LRRTM4: variants seen among roughly 807,000 people sequenced by gnomAD.
LRRTM4 encodes leucine-rich repeat transmembrane neuronal protein 4.
A neutral mutation model predicts 47.6 loss-of-function variants in LRRTM4; 25 were observed. The observed-to-expected ratio is 0.53, with a 90% CI of 0.38 to 0.73. The LOEUF is 0.73. Ranked by LOEUF, LRRTM4 falls within the 30% of genes least tolerant of loss-of-function variation. The pLI, the probability that LRRTM4 is intolerant of heterozygous loss-of-function variation, is 0.00. For synonymous variants in LRRTM4, 311 were observed against 269.5 expected (o/e 1.15, Z -1.51); for missense variants, 638 against 713.4 (o/e 0.89, Z 1.20).
intron 3 of LRRTM4, among the ~76,000 whole-genome samples, chr2:77,507,926 C>CTGACTAG (rs1294654840): frequency 6.6e-6 from 1 of 152,060 alleles, no homozygotes; most frequent in Non-Finnish European, 1.5e-5. Flanking sequence ...ATCTATGATG[C>CTGACTAG]TGACTAGTGG....
At chr2:77,339,195 C>T (rs1010648903) in intron 3 of LRRTM4, among the ~76,000 whole-genome samples, 2 of 151,966 alleles carry the variant, frequency 1.3e-5, no homozygotes, top group Non-Finnish European at 2.9e-5. Context: ...CAAATCTCAG[C>T]ATCATGCAAT....
At chr2:76,909,785 A>G (rs1305945288) in intron 3 of LRRTM4, among the ~76,000 whole-genome samples, 1 of 152,168 alleles carries the variant, frequency 6.6e-6, no homozygotes, top group South Asian at 2.1e-4. Context: ...GCAAATCAAA[A>G]CCACAGTGAG....
At position 77,162,950 on chromosome 2, in the gene LRRTM4, C is replaced by T. The variant is rs181740153; in HGVS notation, c.1551+355368G>A. On this transcript the variant is annotated intron_variant, in intron 3 of 3. Transcript: ENST00000409884. ...AAGGAATGCAGCTCCTCACCAGCAA[C>T]AGAACAAAGCTGGAAGGAGAATGAC... is the stretch of plus-strand genomic sequence containing the variant. Among the ~76,000 whole-genome samples, 575 of 152,126 alleles carry T rather than the reference C, an allele frequency of 3.8e-3. 2 individuals are homozygous for T. The highest frequency in any genetic ancestry group is 6.1e-3 in the Non-Finnish European group (415 of 68,014).
At chr2:77,350,824 AC>A (rs1671740213) in intron 3 of LRRTM4, among the ~76,000 whole-genome samples, 1 of 152,210 alleles carries the variant, frequency 6.6e-6, no homozygotes, top group South Asian at 2.1e-4. Flanking sequence ...ACTCACCAGT[AC>A]TCAGAAATAT....
chr2:76,966,335 GGAGA>G (rs1288425593), intron 3 of LRRTM4, among the ~76,000 whole-genome samples: 1 of 151,264 alleles, frequency 6.6e-6, no homozygotes, highest in East Asian at 1.9e-4. Context: ...GGAGGAAGTG[GGAGA>G]GAAAGAAAAG....
At position 76,747,787 on chromosome 2, in the gene LRRTM4, T is replaced by TA. The variant is rs1373740737; in HGVS notation, c.*907dup. On this transcript the variant is annotated 3_prime_UTR_variant, in exon 4 of 4. Coordinates refer to ENST00000409884, the MANE Select transcript of LRRTM4 (RefSeq NM_001134745.3). ...CACAAAAGCTAATTGATAATTAATTTAAAAAGCAATGTTACACATTATCTT... is the reference window on the plus strand; with the variant it reads ...CACAAAAGCTAATTGATAATTAATTTAAAAAAGCAATGTTACACATTATCTT... The TA allele has an allele frequency of 1.3e-5, 2 of 152,244 alleles. No homozygotes were observed. Among genetic ancestry groups the TA allele is most frequent in the Admixed American group, 6.5e-5 (1 of 15,288 alleles). 9.4% of individuals were successfully genotyped at this position (152,244 alleles called of 1,614,324 possible).
rs34587249 is a variant in LRRTM4 at position 77,049,122 on chromosome 2, T to TCA, written c.1552-300207_1552-300206insTG. Among the ~76,000 whole-genome samples, 45 of 62,684 alleles carry TCA rather than the reference T, an allele frequency of 7.2e-4. 1 individual carries two copies. Among genetic ancestry groups the TCA allele is most frequent in the South Asian group, 1.8e-3 (3 of 1,694 alleles). 41.1% of individuals were successfully genotyped at this position (62,684 alleles called of 152,430 possible). On this transcript the variant is annotated intron_variant, in intron 3 of 3. Coordinates refer to ENST00000409884, the MANE Select transcript of LRRTM4 (RefSeq NM_001134745.3). ...TTTTGACTAAATAATATTTCATTTT[T>TCA]TATATATATATATATATATATATAT...
intron 3 of LRRTM4, among the ~76,000 whole-genome samples, chr2:77,047,537 A>G (rs145402617): frequency 2.6e-4 from 39 of 152,074 alleles, no homozygotes; most frequent in African/African-American, 7.9e-4. Context: ...GGCATTCATC[A>G]GGTTATATAA....
At chr2:77,378,313 C>T (rs1672915228) in intron 3 of LRRTM4, among the ~76,000 whole-genome samples, 1 of 151,948 alleles carries the variant, frequency 6.6e-6, no homozygotes, top group African/African-American at 2.4e-5. Context: ...GGGAGTATCT[C>T]CCCTTGTCAT....
At chr2:76,763,624 G>C (rs558581312) in intron 3 of LRRTM4, among the ~76,000 whole-genome samples, 1 of 152,182 alleles carries the variant, frequency 6.6e-6, no homozygotes, top group African/African-American at 2.4e-5. Context: ...TAGAGATTTT[G>C]GTCCTGTGAA....
intron 3 of LRRTM4, among the ~76,000 whole-genome samples, chr2:77,403,312 C>T (rs778214289): frequency 1.3e-5 from 2 of 151,892 alleles, no homozygotes; most frequent in Non-Finnish European, 2.9e-5. Context: ...GGGCTCCAAT[C>T]CTACTGAACA....
chr2:77,137,128 C>A (rs574996412), intron 3 of LRRTM4, among the ~76,000 whole-genome samples: 5 of 151,674 alleles, frequency 3.3e-5, no homozygotes, highest in Non-Finnish European at 7.4e-5. Context: ...ACATAGAGTA[C>A]CACAAAGATA....
At chr2:76,992,401 G>C (rs956582662) in intron 3 of LRRTM4, among the ~76,000 whole-genome samples, 3 of 151,610 alleles carry the variant, frequency 2.0e-5, no homozygotes, top group Non-Finnish European at 4.4e-5. Flanking sequence ...TTTGCCTAAA[G>C]TCTAATAAAA....
At chr2:76,903,303 G>A (rs1218859865) in intron 3 of LRRTM4, among the ~76,000 whole-genome samples, 2 of 152,196 alleles carry the variant, frequency 1.3e-5, no homozygotes, top group African/African-American at 2.4e-5. Context: ...TTGGGAGGCT[G>A]AGGAGGGTGT....
intron 3 of LRRTM4, among the ~76,000 whole-genome samples, chr2:76,756,646 T>A (rs1673040074): frequency 6.6e-6 from 1 of 152,124 alleles, no homozygotes; most frequent in African/African-American, 2.4e-5. Context: ...CTTTCCCCAA[T>A]GTCATAGTCA....
intron 3 of LRRTM4, among the ~76,000 whole-genome samples, chr2:76,853,892 C>G (rs953374970): frequency 6.6e-6 from 1 of 152,114 alleles, no homozygotes; most frequent in Non-Finnish European, 1.5e-5. Flanking sequence ...TCTCTCAATG[C>G]CAAAATGTTT....
intron 3 of LRRTM4, among the ~76,000 whole-genome samples, chr2:77,206,587 A>G (rs1573076358): frequency 6.6e-6 from 1 of 151,632 alleles, no homozygotes; most frequent in East Asian, 2.0e-4. Context: ...CGGGTTCAAG[A>G]GATTCTCATG....
intron 3 of LRRTM4, among the ~76,000 whole-genome samples, chr2:77,307,899 A>AT (rs1188933314): frequency 1.6e-5 from 1 of 62,942 alleles, no homozygotes; most frequent in South Asian, 6.3e-4. Flanking sequence ...ATATCTATAT[A>AT]TTATAGAAAT....
intron 3 of LRRTM4, among the ~76,000 whole-genome samples, chr2:77,453,065 T>C (rs1227925639): frequency 6.6e-6 from 1 of 151,992 alleles, no homozygotes; most frequent in East Asian, 1.9e-4. Context: ...AAGTTATTAC[T>C]GATATTATTT....
Sources: allele counts gnomAD v4.1 joint callset (sites outside exome capture counted in the v4.1 genomes callset), GRCh38; gene constraint gnomAD v4.1.1; transcripts MANE v1.5; gene names NCBI Gene and HGNC (gene_info 2026-07-23, HGNC 2026-07-21).